Variants in OR10A5 observed in about 807,000 individuals in gnomAD.
The protein encoded by OR10A5 is olfactory receptor family 10 subfamily A member 5.
Under a neutral mutation model 6.0 loss-of-function variants are expected in OR10A5, and 7 were observed. The ratio of observed to expected loss-of-function variants is 1.17; its 90% confidence interval spans 0.66 to 2.20. OR10A5 has a LOEUF of 2.20. Ranked by LOEUF, OR10A5 falls within the 30% of genes most tolerant of loss-of-function variation. The pLI is 0.00. For missense variants in OR10A5, 369 were observed against 378.1 expected (o/e 0.98, Z 0.20); for synonymous variants, 149 against 148.8 (o/e 1.00, Z -0.01).
At position 6,846,542 on chromosome 11, in the gene OR10A5, A is replaced by G. The variant is rs1848216159; in HGVS notation, c.860A>G (p.Asn287Ser). Residue 287 changes from asparagine to serine, a missense_variant, in exon 1 of 1, where the codon AAC becomes AGC. Transcript: ENST00000299454. The part of the protein sequence containing the change: ...LSYTVVTPML[N>S]PIIYSLRNSE... ...TACACTGTTGTGACTCCCATGTTGAACCCCATTATCTACAGCTTGAGAAAT... is the reference window on the plus strand; with the variant it reads ...TACACTGTTGTGACTCCCATGTTGAGCCCCATTATCTACAGCTTGAGAAAT... 1.2e-6 allele frequency: 2 copies of G among 1,613,840 alleles called. No individual in the cohort carries two copies. Among genetic ancestry groups the G allele is most frequent in the Admixed American group, 3.3e-5 (2 of 59,996 alleles).
Position 6,845,750 on chromosome 11 carries a change from A to T in OR10A5, c.68A>T (p.Glu23Val). 1 of 1,613,392 alleles carries T rather than the reference A, an allele frequency of 6.2e-7. No homozygotes were observed. Among genetic ancestry groups the T allele is most frequent in the South Asian group, 1.1e-5 (1 of 91,068 alleles). Residue 23 changes from glutamate (E) to valine (V), a missense_variant, in exon 1 of 1, where the codon GAA (glutamate) becomes GTA (valine). Coordinates refer to ENST00000299454, the MANE Select transcript of OR10A5 (RefSeq NM_178168.1). Reference protein sequence around the residue: ...ILMSFSSLPTEIQSLLFLTFL... With the variant: ...ILMSFSSLPTVIQSLLFLTFL... ...ATGAGCTTCTCTTCCCTACCTACTGAAATACAGTCATTGCTCTTCCTGACA... is the reference window on the plus strand; with the variant it reads ...ATGAGCTTCTCTTCCCTACCTACTGTAATACAGTCATTGCTCTTCCTGACA...
Position 6,846,504 on chromosome 11 carries a change from G to A in OR10A5, c.822G>A (p.Leu274=). ...ATAATTCTCCTGAGAGCAAGAAGTT[G>A]TTATCATTATCCTACACTGTTGTGA... ...KSNNSPESKK[L]LSLSYTVVTP... The change falls in exon 1 of 1, where the codon TTG becomes TTA. Residue 274 remains leucine, a synonymous_variant. Coordinates refer to ENST00000299454, the MANE Select transcript of OR10A5 (RefSeq NM_178168.1). 1 of 1,613,868 alleles carries A rather than the reference G, an allele frequency of 6.2e-7. No individual in the cohort carries two copies. Among genetic ancestry groups the A allele is most frequent in the Non-Finnish European group, 8.5e-7 (1 of 1,179,780 alleles).
Position 6,846,537 on chromosome 11 carries a change from G to A in OR10A5, c.855G>A (p.Met285Ile). 1 of 1,614,010 alleles carries A rather than the reference G, an allele frequency of 6.2e-7. No individual in the cohort carries two copies. Among genetic ancestry groups the A allele is most frequent in the South Asian group, 1.1e-5 (1 of 91,082 alleles). The stretch of plus-strand genomic sequence containing the variant: ...TATCCTACACTGTTGTGACTCCCAT[G>A]TTGAACCCCATTATCTACAGCTTGA... Reference protein sequence around the residue: ...LSLSYTVVTPMLNPIIYSLRN... With the variant: ...LSLSYTVVTPILNPIIYSLRN... The change falls in exon 1 of 1, where the codon ATG becomes ATA. Residue 285 changes from methionine to isoleucine, a missense_variant. By Grantham distance (10) the Met-to-Ile change is conservative. Coordinates refer to ENST00000299454, the MANE Select transcript of OR10A5 (RefSeq NM_178168.1).
Position 6,846,507 on chromosome 11 carries a change from A to G in OR10A5, c.825A>G (p.Leu275=), listed in dbSNP as rs1848214274. ...ATTCTCCTGAGAGCAAGAAGTTGTTATCATTATCCTACACTGTTGTGACTC... is the reference window on the plus strand; with the variant it reads ...ATTCTCCTGAGAGCAAGAAGTTGTTGTCATTATCCTACACTGTTGTGACTC... ...SNNSPESKKL[L]SLSYTVVTPM... Residue 275 remains leucine, a synonymous_variant, in exon 1 of 1, where the codon TTA becomes TTG. Transcript: ENST00000299454. 6.2e-7 allele frequency: 1 copy of G among 1,613,792 alleles called. No individual in the cohort carries two copies. Among genetic ancestry groups the G allele is most frequent in the Non-Finnish European group, 8.5e-7 (1 of 1,179,670 alleles).
At position 6,846,524 on chromosome 11, in the gene OR10A5, T is replaced by C. The variant is rs746469377; in HGVS notation, c.842T>C (p.Val281Ala). 15 of 1,613,942 alleles carry C rather than the reference T, an allele frequency of 9.3e-6. No individual in the cohort carries two copies. Among genetic ancestry groups the C allele is most frequent in the Non-Finnish European group, 1.2e-5 (14 of 1,179,782 alleles). ...AAGTTGTTATCATTATCCTACACTG[T>C]TGTGACTCCCATGTTGAACCCCATT... ...SKKLLSLSYT[V>A]VTPMLNPIIY... Residue 281 changes from valine (V) to alanine (A), a missense_variant, in exon 1 of 1, where the codon GTT becomes GCT. Val to Ala is a moderately conservative substitution (Grantham distance 64). Coordinates refer to ENST00000299454, the MANE Select transcript of OR10A5 (RefSeq NM_178168.1).
rs1466031874 is a variant in OR10A5 at position 6,845,690 on chromosome 11, T to C, written c.8T>C (p.Ile3Thr). 8 of 1,574,068 alleles carry C rather than the reference T, an allele frequency of 5.1e-6. No individual in the cohort carries two copies. Among genetic ancestry groups the C allele is most frequent in the African/African-American group, 4.0e-5 (3 of 74,174 alleles). MA[I>T]GNWTEISEFI... ...GGATTTATGCCCATACTTATGGCTA[T>C]AGGAAACTGGACAGAAATAAGTGAA... Residue 3 changes from isoleucine (I) to threonine (T), a missense_variant, in exon 1 of 1, where the codon ATA becomes ACA. Coordinates refer to ENST00000299454, the MANE Select transcript of OR10A5 (RefSeq NM_178168.1).
chr11:6,846,571 G>A lies in OR10A5; in HGVS notation c.889G>A (p.Glu297Lys), dbSNP rs146897268. Residue 297 changes from glutamate (E) to lysine (K), a missense_variant, in exon 1 of 1, where the codon GAG (glutamate) becomes AAG (lysine). Glu to Lys is a moderately conservative substitution (Grantham distance 56). Coordinates refer to ENST00000299454, the MANE Select transcript of OR10A5 (RefSeq NM_178168.1). ...CATTATCTACAGCTTGAGAAATAGC[G>A]AGGTGAAGAATGCCCTCAGCAGGAC... ...NPIIYSLRNS[E>K]VKNALSRTFH... 26 of 1,613,888 alleles carry A rather than the reference G, an allele frequency of 1.6e-5. No individual in the cohort carries two copies. Among genetic ancestry groups the A allele is most frequent in the South Asian group, 6.6e-5 (6 of 91,054 alleles).
In OR10A5 at chr11:6,846,337, T is replaced by C. The variant is rs1330520330; in HGVS notation, c.655T>C (p.Tyr219His). The C allele has an allele frequency of 9.3e-6, 15 of 1,614,104 alleles. No homozygotes were observed. Among genetic ancestry groups the C allele is most frequent in the South Asian group, 3.3e-5 (3 of 91,088 alleles). Residue 219 changes from tyrosine (Y) to histidine (H), a missense_variant, in exon 1 of 1, where the codon TAT becomes CAT. Tyr to His is a moderately conservative substitution (Grantham distance 83, BLOSUM62 2). Transcript: ENST00000299454. The stretch of plus-strand genomic sequence containing the variant: ...CCCCTGCTTGCTGATCTTGTGTTCC[T>C]ATACTCGCATTGCTGCTGCTATCCT... ...MIPCLLILCSYTRIAAAILKI... is the reference protein window; with the variant it reads ...MIPCLLILCSHTRIAAAILKI...
chr11:6,846,396 C>T lies in OR10A5; in HGVS notation c.714C>T (p.Ala238=). 1 of 1,614,144 alleles carries T rather than the reference C, an allele frequency of 6.2e-7. No individual in the cohort carries two copies. Among genetic ancestry groups the T allele is most frequent in the Non-Finnish European group, 8.5e-7 (1 of 1,180,004 alleles). ...KIPSAKGKHK[A]FSTCSSHLLV... ...CATCAGCTAAAGGGAAGCATAAAGC[C>T]TTCTCTACGTGCTCCTCACACCTCC... The change falls in exon 1 of 1, where the codon GCC becomes GCT. Residue 238 remains alanine, a synonymous_variant. Transcript: ENST00000299454.
In OR10A5 at chr11:6,846,307, A is replaced by C; in HGVS notation, c.625A>C (p.Met209Leu). The C allele has an allele frequency of 6.2e-7, 1 of 1,614,210 alleles. No individual in the cohort carries two copies. Among genetic ancestry groups the C allele is most frequent in the Non-Finnish European group, 8.5e-7 (1 of 1,180,028 alleles). Residue 209 changes from methionine (M) to leucine (L), a missense_variant, in exon 1 of 1, where the codon ATG (methionine) becomes CTG (leucine). Coordinates refer to ENST00000299454, the MANE Select transcript of OR10A5 (RefSeq NM_178168.1). ...YAIVGTILVV[M>L]IPCLLILCSY... is the part of the protein sequence containing the mutation. ...CATCGTCGGAACCATTCTGGTGGTC[A>C]TGATCCCCTGCTTGCTGATCTTGTG...
At position 6,845,859 on chromosome 11, in the gene OR10A5, C is replaced by T. The variant is rs1848205704; in HGVS notation, c.177C>T (p.Pro59=). ...TAGCTGACCCCATGCTACACAGCCC[C>T]ATGTACTTCTTCCTCAGAAACTTAT... is the stretch of plus-strand genomic sequence containing the variant. ...VTLADPMLHS[P]MYFFLRNLSF... is the part of the protein sequence containing the mutation. Residue 59 remains proline, a synonymous_variant, in exon 1 of 1, where the codon CCC becomes CCT. Coordinates refer to ENST00000299454, the MANE Select transcript of OR10A5 (RefSeq NM_178168.1). The T allele has an allele frequency of 6.2e-7, 1 of 1,614,064 alleles. No individual in the cohort carries two copies. The highest frequency in any genetic ancestry group is 8.5e-7 in the Non-Finnish European group (1 of 1,180,026).
Position 6,845,940 on chromosome 11 carries a change from G to C in OR10A5, c.258G>C (p.Leu86=), listed in dbSNP as rs1370633708. Residue 86 remains leucine, a synonymous_variant, in exon 1 of 1, where the codon CTG becomes CTC. Transcript: ENST00000299454. ...LVIVPKMLGT[L]LAQDTTISFL... ...TTGTGCCCAAAATGCTGGGGACCCT[G>C]CTTGCCCAGGACACAACCATCTCCT... 1 of 1,614,030 alleles carries C rather than the reference G, an allele frequency of 6.2e-7. No homozygotes were observed. The highest frequency in any genetic ancestry group is 8.5e-7 in the Non-Finnish European group (1 of 1,180,020).
rs773195182 is a variant in OR10A5, at chr11:6,846,474, A to G, written c.792A>G (p.Lys264=). Reference sequence around the variant, plus strand: ...CTAGCCTCACCTACTTCTGGCCTAAATCAAATAATTCTCCTGAGAGCAAGA... The same window carrying G: ...CTAGCCTCACCTACTTCTGGCCTAAGTCAAATAATTCTCCTGAGAGCAAGA... ...ISSSLTYFWP[K]SNNSPESKKL... The change falls in exon 1 of 1, where the codon AAA becomes AAG. Residue 264 remains lysine, a synonymous_variant. Transcript: ENST00000299454. 6.2e-7 allele frequency: 1 copy of G among 1,614,122 alleles called. No homozygotes were observed. The highest frequency in any genetic ancestry group is 8.5e-7 in the Non-Finnish European group (1 of 1,179,998).
chr11:6,846,062 T>A lies in OR10A5; in HGVS notation c.380T>A (p.Ile127Asn), dbSNP rs377607859. 3.0e-5 allele frequency: 49 copies of A among 1,614,116 alleles called. No individual in the cohort carries two copies. The highest frequency in any genetic ancestry group is 4.1e-5 in the Non-Finnish European group (48 of 1,180,046). The change falls in exon 1 of 1, where the codon ATC (isoleucine) becomes AAC (asparagine). Residue 127 changes from isoleucine to asparagine, a missense_variant. Ile to Asn is a moderately radical substitution (Grantham distance 149, BLOSUM62 -3). Transcript: ENST00000299454. The stretch of plus-strand genomic sequence containing the variant: ...ATGGCATATGACCGCTATGTGGCCA[T>A]CTGCAGTCCCTTGCACTACCCAGTC... ...ATMAYDRYVAICSPLHYPVIM... is the reference protein window; with the variant it reads ...ATMAYDRYVANCSPLHYPVIM...
In OR10A5 at chr11:6,846,125, C is replaced by T; in HGVS notation, c.443C>T (p.Ala148Val). The T allele has an allele frequency of 6.2e-7, 1 of 1,614,248 alleles. No individual in the cohort carries two copies. The change falls in exon 1 of 1, where the codon GCT becomes GTT. Residue 148 changes from alanine to valine, a missense_variant. Ala to Val is a moderately conservative substitution (Grantham distance 64, BLOSUM62 0). Coordinates refer to ENST00000299454, the MANE Select transcript of OR10A5 (RefSeq NM_178168.1). The part of the protein sequence containing the change: ...NQRTRAKLAA[A>V]SWFPGFPVAT... ...AGGACACGGGCCAAACTGGCTGCTG[C>T]TTCCTGGTTCCCAGGCTTTCCTGTA...
chr11:6,846,107 G>C lies in OR10A5; in HGVS notation c.425G>C (p.Arg142Pro), dbSNP rs764030571. The C allele has an allele frequency of 3.3e-5, 54 of 1,614,052 alleles. No individual in the cohort carries two copies. Among genetic ancestry groups the C allele is most frequent in the Non-Finnish European group, 4.4e-5 (52 of 1,180,038 alleles). Residue 142 changes from arginine (R) to proline (P), a missense_variant, in exon 1 of 1, where the codon CGG (arginine) becomes CCG (proline). By Grantham distance (103) the Arg-to-Pro change is moderately radical. Coordinates refer to ENST00000299454, the MANE Select transcript of OR10A5 (RefSeq NM_178168.1). ...HYPVIMNQRTRAKLAAASWFP... is the reference protein window; with the variant it reads ...HYPVIMNQRTPAKLAAASWFP... ...CCAGTCATCATGAACCAAAGGACACGGGCCAAACTGGCTGCTGCTTCCTGG... is the reference window on the plus strand; with the variant it reads ...CCAGTCATCATGAACCAAAGGACACCGGCCAAACTGGCTGCTGCTTCCTGG...
At position 6,846,354 on chromosome 11, in the gene OR10A5, T is replaced by G. The variant is rs773812613; in HGVS notation, c.672T>G (p.Ala224=). 1.5e-5 allele frequency: 24 copies of G among 1,614,110 alleles called. No individual in the cohort carries two copies. The highest frequency in any genetic ancestry group is 1.9e-5 in the Non-Finnish European group (23 of 1,180,044). ...LILCSYTRIA[A]AILKIPSAKG... The stretch of plus-strand genomic sequence containing the variant: ...TGTGTTCCTATACTCGCATTGCTGC[T>G]GCTATCCTCAAGATCCCATCAGCTA... The change falls in exon 1 of 1, where the codon GCT becomes GCG. Residue 224 remains alanine (A), a synonymous_variant. Transcript: ENST00000299454.
In OR10A5 at chr11:6,846,600, C is replaced by G. The variant is rs1477707832; in HGVS notation, c.918C>G (p.Phe306Leu). 33 of 1,608,890 alleles carry G rather than the reference C, an allele frequency of 2.1e-5. No individual in the cohort carries two copies. The highest frequency in any genetic ancestry group is 2.7e-5 in the Non-Finnish European group (32 of 1,176,348). Residue 306 changes from phenylalanine (F) to leucine (L), a missense_variant, in exon 1 of 1, where the codon TTC becomes TTG. Phe to Leu is a conservative substitution (Grantham distance 22). Transcript: ENST00000299454. ...TGAAGAATGCCCTCAGCAGGACCTT[C>G]CACAAGGTCCTAGCCCTCAGAAACT... ...SEVKNALSRT[F>L]HKVLALRNCI... is the part of the protein sequence containing the mutation.
Position 6,846,321 on chromosome 11 carries a change from G to A in OR10A5, c.639G>A (p.Leu213=), listed in dbSNP as rs745983338. 1.9e-6 allele frequency: 3 copies of A among 1,614,172 alleles called. No homozygotes were observed. Among genetic ancestry groups the A allele is most frequent in the Non-Finnish European group, 2.5e-6 (3 of 1,180,032 alleles). Residue 213 remains leucine (L), a synonymous_variant, in exon 1 of 1, where the codon TTG becomes TTA. Coordinates refer to ENST00000299454, the MANE Select transcript of OR10A5 (RefSeq NM_178168.1). ...GTILVVMIPC[L]LILCSYTRIA... is the part of the protein sequence containing the mutation. ...TTCTGGTGGTCATGATCCCCTGCTT[G>A]CTGATCTTGTGTTCCTATACTCGCA...
Sources: allele counts gnomAD v4.1 joint callset, GRCh38; gene constraint gnomAD v4.1.1; transcripts MANE v1.5; gene names NCBI Gene and HGNC (gene_info 2026-07-23, HGNC 2026-07-21).